Variants in NKAIN2 observed in about 807,000 individuals in gnomAD.
NKAIN2 encodes the protein sodium/potassium-transporting ATPase subunit beta-1-interacting protein 2.
A neutral mutation model predicts 32.6 loss-of-function variants in NKAIN2; 14 were observed. That is an observed-to-expected ratio of 0.43 (90% CI 0.28 to 0.67). NKAIN2 has a LOEUF of 0.67. Among genes scored for constraint, NKAIN2 ranks in the 30% least tolerant of loss-of-function variants. NKAIN2 has a pLI of 0.17. For synonymous variants in NKAIN2, 80 were observed against 87.2 expected (o/e 0.92, Z 0.46); for missense variants, 198 against 258.3 (o/e 0.77, Z 1.60).
intron 4 of NKAIN2, among the ~76,000 whole-genome samples, chr6:124,703,486 A>G (rs1008340899): frequency 6.6e-6 from 1 of 152,050 alleles, no homozygotes; most frequent in Non-Finnish European, 1.5e-5. Flanking sequence ...TGATTTTCAT[A>G]TAATGTTTCA....
intron 2 of NKAIN2, among the ~76,000 whole-genome samples, chr6:124,290,550 G>C (rs1204604051): frequency 7.2e-6 from 1 of 138,390 alleles, no homozygotes; most frequent in Non-Finnish European, 1.6e-5. Context: ...GTGTGTGTGT[G>C]TGCGTCTGTG....
At chr6:123,928,021 C>A (rs953189995) in intron 1 of NKAIN2, among the ~76,000 whole-genome samples, 3 of 151,888 alleles carry the variant, frequency 2.0e-5, no homozygotes, top group African/African-American at 7.3e-5. Context: ...TAATGAGTTT[C>A]GGGGGAAACT....
chr6:124,243,741 G>C (rs578177987), intron 1 of NKAIN2, among the ~76,000 whole-genome samples: 3 of 152,040 alleles, frequency 2.0e-5, no homozygotes, highest in Non-Finnish European at 4.4e-5. Context: ...CAGAATCCTA[G>C]ATCATTGGAT....
At position 124,462,010 on chromosome 6, in the gene NKAIN2, C is replaced by G. The variant is rs75306927; in HGVS notation, c.273+106663C>G. ...AAAGTTGATGATATCTCAATATTTGCATGTAACAATATTAAATTCTAGGAC... is the reference window on the plus strand; with the variant it reads ...AAAGTTGATGATATCTCAATATTTGGATGTAACAATATTAAATTCTAGGAC... On this transcript the variant is annotated intron_variant, in intron 3 of 6. Coordinates refer to ENST00000368417, the MANE Select transcript of NKAIN2 (RefSeq NM_001040214.3). Among the ~76,000 whole-genome samples, 370 of 151,832 alleles carry G rather than the reference C, an allele frequency of 2.4e-3. 1 individual carries two copies. Among genetic ancestry groups the G allele is most frequent in the Non-Finnish European group, 4.4e-3 (301 of 67,806 alleles).
At chr6:124,108,457 T>G (rs916003531) in intron 1 of NKAIN2, among the ~76,000 whole-genome samples, 58 of 152,058 alleles carry the variant, frequency 3.8e-4, no homozygotes, top group Non-Finnish European at 7.4e-4. Flanking sequence ...TTGTAAAAAT[T>G]TTCTCTCATT....
intron 1 of NKAIN2, among the ~76,000 whole-genome samples, chr6:123,909,907 A>G (rs9401710): frequency 0.014 from 2,113 of 152,318 alleles, 46 homozygotes; most frequent in East Asian, 0.1. Context: ...TGCTTAAAAA[A>G]TGAGTAACTC....
chr6:124,444,660 G>T (rs180962553), intron 3 of NKAIN2, among the ~76,000 whole-genome samples: 4 of 151,922 alleles, frequency 2.6e-5, no homozygotes, highest in African/African-American at 9.6e-5. Context: ...TATTCTGTGT[G>T]ACATTTTATA....
rs370474141 is a variant in NKAIN2, at chr6:124,793,415, T to C, written c.535+2016T>C. Among the ~76,000 whole-genome samples, 159 of 152,278 alleles carry C rather than the reference T, an allele frequency of 1.0e-3. 2 individuals carry two copies. In the South Asian group the frequency reaches 0.031, roughly 30 times the overall value. On this transcript the variant is annotated intron_variant, in intron 5 of 6. Transcript: ENST00000368417. The stretch of plus-strand genomic sequence containing the variant: ...TAAAATGTGTGGACCAAACAAACTA[T>C]GTAAGTTCATTGAGATATTACCATT...
intron 1 of NKAIN2, among the ~76,000 whole-genome samples, chr6:124,221,568 G>GA (rs1414890121): frequency 8.6e-5 from 13 of 151,002 alleles, no homozygotes; most frequent in South Asian, 4.2e-4. Flanking sequence ...ATAAGAGAGA[G>GA]AAAAAAAAGA....
At chr6:124,119,087 C>T (rs1370317704) in intron 1 of NKAIN2, among the ~76,000 whole-genome samples, 1 of 152,086 alleles carries the variant, frequency 6.6e-6, no homozygotes, top group Admixed American at 6.6e-5. Flanking sequence ...TCAAGTACAT[C>T]TTTGAAATTA....
intron 4 of NKAIN2, among the ~76,000 whole-genome samples, chr6:124,679,176 C>T (rs866205540): frequency 3.9e-5 from 6 of 152,006 alleles, no homozygotes; most frequent in Non-Finnish European, 5.9e-5. Flanking sequence ...ATATTGCAAA[C>T]ACATTTCAAC....
chr6:124,125,358 C>T (rs1427271338), intron 1 of NKAIN2, among the ~76,000 whole-genome samples: 1 of 152,072 alleles, frequency 6.6e-6, no homozygotes, highest in Non-Finnish European at 1.5e-5. Flanking sequence ...TACTCTGTTC[C>T]TCTTTATTCT....
intron 4 of NKAIN2, among the ~76,000 whole-genome samples, chr6:124,710,957 A>C (rs578202461): frequency 6.6e-5 from 10 of 150,884 alleles, no homozygotes; most frequent in Non-Finnish European, 1.2e-4. Flanking sequence ...ATGATTTTGC[A>C]GTGGCTGGTA....
rs73563126 is a variant in NKAIN2 at position 124,093,711 on chromosome 6, A to G, written c.55-189294A>G. ...TTACGACAGGAAAATTGATTGTATT[A>G]TTTCCCTTGTCTATAAGCACACTAA... On this transcript the variant is annotated intron_variant, in intron 1 of 6. Coordinates refer to ENST00000368417, the MANE Select transcript of NKAIN2 (RefSeq NM_001040214.3). Among the ~76,000 whole-genome samples, 1,499 of 152,230 alleles carry G rather than the reference A, an allele frequency of 9.8e-3. 20 individuals carry two copies. Among genetic ancestry groups the G allele is most frequent in the African/African-American group, 0.034 (1,431 of 41,548 alleles).
chr6:123,919,365 CAAAG>C (rs923868966), intron 1 of NKAIN2, among the ~76,000 whole-genome samples: 7 of 151,480 alleles, frequency 4.6e-5, no homozygotes, highest in African/African-American at 9.7e-5. Flanking sequence ...TTAATATAGA[CAAAG>C]AAAAACTGCA....
At chr6:124,258,369 A>T (rs1443912050) in intron 1 of NKAIN2, among the ~76,000 whole-genome samples, 3 of 152,206 alleles carry the variant, frequency 2.0e-5, no homozygotes, top group Admixed American at 2.0e-4. Flanking sequence ...ATTTTTATTC[A>T]TTAATCTGTT....
chr6:124,594,049 A>C (rs1342938488), intron 3 of NKAIN2, among the ~76,000 whole-genome samples: 1 of 152,158 alleles, frequency 6.6e-6, no homozygotes, highest in East Asian at 1.9e-4. Flanking sequence ...GTTTAAGTAC[A>C]ATGTGAAGGA....
intron 3 of NKAIN2, among the ~76,000 whole-genome samples, chr6:124,617,797 T>C (rs1425422985): frequency 6.6e-6 from 1 of 152,204 alleles, no homozygotes; most frequent in African/African-American, 2.4e-5. Flanking sequence ...AGAAGCATTG[T>C]ATAGAGGTAA....
chr6:124,731,771 A>G (rs1485557373), intron 4 of NKAIN2, among the ~76,000 whole-genome samples: 1 of 152,016 alleles, frequency 6.6e-6, no homozygotes, highest in Admixed American at 6.6e-5. Context: ...ACACTTTATC[A>G]TAGCTATTGC....
Sources: allele counts gnomAD v4.1 joint callset (sites outside exome capture counted in the v4.1 genomes callset), GRCh38; gene constraint gnomAD v4.1.1; transcripts MANE v1.5; gene names NCBI Gene and HGNC (gene_info 2026-07-23, HGNC 2026-07-21).